The following ZNF510 variants were observed in gnomAD, a reference collection of about 807,000 sequenced individuals.
The protein encoded by ZNF510 is zinc finger protein 510.
ZNF510 carries 15 observed loss-of-function variants against 18.1 expected under a neutral mutation model. The ratio of observed to expected loss-of-function variants is 0.83; its 90% CI spans 0.55 to 1.28. The LOEUF (loss-of-function observed/expected upper bound fraction) is 1.28, where lower values mean the gene tolerates loss of function less well. ZNF510 is among the 50% of genes most tolerant of loss of function. The probability of loss-of-function intolerance (pLI) is 0.00; values close to 1 mark genes in which losing one functional copy is unlikely to be tolerated. For missense variants in ZNF510, 724 were observed against 791.8 expected, an observed-to-expected ratio of 0.91 and a Z score of 1.03; for synonymous variants, 261 against 266.4, an observed-to-expected ratio of 0.98 and a Z score of 0.20.
chr9:96,763,751 G>T, intron 3 of ZNF510, 119 bp from the exon 4 acceptor site: 1 of 1,003,146 alleles, frequency 1.0e-6, no homozygotes, highest in Non-Finnish European at 1.4e-6. Context: ...TGTAAAGGAT[G>T]CCTATTTTGA....
At chr9:96,771,551 C>G (rs1849585117) in intron 3 of ZNF510, among the ~76,000 whole-genome samples, 1 of 151,884 alleles carries the variant, frequency 6.6e-6, no homozygotes, top group Non-Finnish European at 1.5e-5. Flanking sequence ...CTGAGTACCC[C>G]TCAGGTGAGG....
rs1419455270 is a variant in ZNF510, at chr9:96,756,225, G to A, written c.*2553C>T. On this transcript the variant is annotated 3_prime_UTR_variant, in exon 6 of 6. Transcript: ENST00000223428. ...CCAAGGCTTAACAAAAATGTAACAT[G>A]GTTTATGAAATGGAGTATTGGCCAG... 1.3e-5 allele frequency: 2 copies of A among 152,122 alleles called. No individual in the cohort carries two copies. Among genetic ancestry groups the A allele is most frequent in the African/African-American group, 4.8e-5 (2 of 41,416 alleles). The allele number at this position is 152,122 out of a possible 1,614,324, so 9.4% of individuals were successfully genotyped here.
intron 5 of ZNF510, 61 bp downstream of exon 5, chr9:96,763,057 A>C (rs763162450): frequency 1.4e-6 from 2 of 1,429,080 alleles, no homozygotes; most frequent in African/African-American, 2.8e-5. Flanking sequence ...GTTCACCCCT[A>C]AAGTGACCTG....
chr9:96,762,524 G>GAAAAAAAAAA lies in ZNF510; in HGVS notation c.352+593_352+594insTTTTTTTTTT, dbSNP rs1181728252. Among the ~76,000 whole-genome samples, 1,342 of 135,818 alleles carry GAAAAAAAAAA rather than the reference G, an allele frequency of 9.9e-3. 35 individuals carry two copies. Among genetic ancestry groups the GAAAAAAAAAA allele is most frequent in the African/African-American group, 0.043 (1,255 of 28,938 alleles). The allele number at this position is 135,818 out of a possible 152,430, so 89.1% of individuals were successfully genotyped here. Reference sequence around the variant, plus strand: ...ACTCCGTCTCAAAAAAAAAAAAAAAGAAAAGAAAAAGAAAACATCCTCCTG... The same window carrying GAAAAAAAAAA: ...ACTCCGTCTCAAAAAAAAAAAAAAAGAAAAAAAAAAAAAAGAAAAAGAAAACATCCTCCTG... On this transcript the variant is annotated intron_variant, in intron 5 of 5. Coordinates refer to ENST00000223428, the MANE Select transcript of ZNF510 (RefSeq NM_014930.3).
At chr9:96,763,378 A>G in intron 4 of ZNF510, 128 bp downstream of exon 4, 1 of 1,334,010 alleles carries the variant, frequency 7.5e-7, no homozygotes, top group East Asian at 2.3e-5. Flanking sequence ...GGGCATAGTT[A>G]CTTTGGAATC....
At chr9:96,761,248 T>TC (rs1849340504) in intron 5 of ZNF510, among the ~76,000 whole-genome samples, 1 of 152,184 alleles carries the variant, frequency 6.6e-6, no homozygotes, top group Non-Finnish European at 1.5e-5. Flanking sequence ...ATCCTGAGTT[T>TC]CCACATTTCA....
rs1172466165 is a variant in ZNF510, at chr9:96,759,393, T to C, written c.1437A>G (p.Gln479=). The change falls in exon 6 of 6, where the codon CAA becomes CAG. Residue 479 remains glutamine, a synonymous_variant. Transcript: ENST00000223428. ...FVQKSTLRGH[Q]RIHTGEKPYE... ...AGGGTTTTTCTCCTGTGTGAATTCTTTGATGTCCCCTGAGGGTTGACTTCT... is the reference window on the plus strand; with the variant it reads ...AGGGTTTTTCTCCTGTGTGAATTCTCTGATGTCCCCTGAGGGTTGACTTCT... The C allele has an allele frequency of 6.2e-7, 1 of 1,614,132 alleles. No homozygotes were observed. The highest frequency in any genetic ancestry group is 8.5e-7 in the Non-Finnish European group (1 of 1,180,008).
intron 3 of ZNF510, among the ~76,000 whole-genome samples, chr9:96,772,425 A>C (rs1849601235): frequency 1.3e-5 from 2 of 152,218 alleles, no homozygotes; most frequent in African/African-American, 4.8e-5. Context: ...TTTGTTGTCA[A>C]ATATATTATT....
At chr9:96,767,436 C>A (rs144280488) in intron 3 of ZNF510, among the ~76,000 whole-genome samples, 10 of 152,268 alleles carry the variant, frequency 6.6e-5, no homozygotes, top group Non-Finnish European at 1.2e-4. Flanking sequence ...GCATGAGATG[C>A]AGCTAAGGCA....
intron 3 of ZNF510, among the ~76,000 whole-genome samples, chr9:96,769,437 C>CAAAAAAAA (rs71485393): frequency 7.9e-6 from 1 of 126,324 alleles, no homozygotes; most frequent in African/African-American, 3.2e-5. Context: ...ATTCCGTCTC[C>CAAAAAAAA]AAAAAAAAAA....
chr9:96,776,274 G>GCTTCTCTGGAGCAA, intron 1 of ZNF510, 29 bp from the exon 2 acceptor site: 5 of 979,890 alleles, frequency 5.1e-6, no homozygotes, highest in Non-Finnish European at 7.0e-6. Context: ...CTTTGCTCCA[G>GCTTCTCTGGAGCAA]AGAAGCTGGG....
Position 96,755,795 on chromosome 9 carries a change from G to A in ZNF510, c.*2983C>T, listed in dbSNP as rs1368895133. 1 of 152,168 alleles carries A rather than the reference G, an allele frequency of 6.6e-6. No individual in the cohort carries two copies. The highest frequency in any genetic ancestry group is 1.5e-5 in the Non-Finnish European group (1 of 68,028). 9.4% of individuals were successfully genotyped at this position (152,168 alleles called of 1,614,324 possible). ...GGTGAATTAATCAATGGCATATGAA[G>A]TACTGGCTATTTATCCAGAAGGAAA... is the stretch of plus-strand genomic sequence containing the variant. On this transcript the variant is annotated 3_prime_UTR_variant, in exon 6 of 6. Transcript: ENST00000223428.
chr9:96,760,080 CAA>C lies in ZNF510; in HGVS notation c.748_749del (p.Leu250GlyfsTer5). ...TTTTATTACATTCAAAAGCTTGCTC[CAA>C]AGTTTGAAACTTTGGATGCTTGGGA... ...NLPKHPKFQT[L>X]EQAFECNKIG... On this transcript the variant is annotated frameshift_variant, in exon 6 of 6. Coordinates refer to ENST00000223428, the MANE Select transcript of ZNF510 (RefSeq NM_014930.3). LOFTEE classifies it low-confidence loss of function (END_TRUNC). 6.2e-7 allele frequency: 1 copy of C among 1,610,856 alleles called. No individual in the cohort carries two copies. Among genetic ancestry groups the C allele is most frequent in the Non-Finnish European group, 8.5e-7 (1 of 1,178,828 alleles).
At chr9:96,773,323 G>C (rs1849622274) in intron 3 of ZNF510, among the ~76,000 whole-genome samples, 1 of 151,814 alleles carries the variant, frequency 6.6e-6, no homozygotes, top group Non-Finnish European at 1.5e-5. Flanking sequence ...GTTTTTAAAA[G>C]GAAAAAAGAG....
intron 3 of ZNF510, among the ~76,000 whole-genome samples, chr9:96,774,577 CAGAA>C (rs144700047): frequency 0.048 from 7,294 of 152,216 alleles, 575 homozygotes; most frequent in African/African-American, 0.16. Context: ...CCATGGCTAT[CAGAA>C]AGAATGAAAA....
chr9:96,767,036 A>ATTTTT, intron 3 of ZNF510, among the ~76,000 whole-genome samples: 1 of 152,330 alleles, frequency 6.6e-6, no homozygotes, highest in Non-Finnish European at 1.5e-5. Context: ...GAAAATCAAA[A>ATTTTT]GAGAAATGAG....
chr9:96,759,685 T>C lies in ZNF510; in HGVS notation c.1145A>G (p.Asn382Ser), dbSNP rs1346435426. Residue 382 changes from asparagine (N) to serine (S), a missense_variant, in exon 6 of 6, where the codon AAT becomes AGT. Asn to Ser is a conservative substitution (Grantham distance 46, BLOSUM62 1). Coordinates refer to ENST00000223428, the MANE Select transcript of ZNF510 (RefSeq NM_014930.3). ...AACCGACGTCTGGTAGGATTTCTTATTTTCATGATATTCAGAGGATTTAAC... is the reference window on the plus strand; with the variant it reads ...AACCGACGTCTGGTAGGATTTCTTACTTTCATGATATTCAGAGGATTTAAC... ...TWVKSSEYHE[N>S]KKSYQTSVHR... 4 of 1,613,758 alleles carry C rather than the reference T, an allele frequency of 2.5e-6. No homozygotes were observed. The highest frequency in any genetic ancestry group is 1.1e-5 in the South Asian group (1 of 91,074).
At chr9:96,768,121 G>A (rs1009281117) in intron 3 of ZNF510, among the ~76,000 whole-genome samples, 16 of 152,128 alleles carry the variant, frequency 1.1e-4, no homozygotes, top group African/African-American at 2.9e-4. Flanking sequence ...CAAGTCACAC[G>A]ATCATCTCAA....
chr9:96,767,006 C>G (rs1443275672), intron 3 of ZNF510, among the ~76,000 whole-genome samples: 1 of 152,026 alleles, frequency 6.6e-6, no homozygotes, highest in Non-Finnish European at 1.5e-5. Flanking sequence ...TGGATTTTCA[C>G]CTCGCTACAG....
Sources: gnomAD v4.1 joint callset for allele counts (sites outside exome capture counted in the v4.1 genomes callset) on GRCh38, gnomAD v4.1.1 for gene constraint, MANE v1.5 for transcripts, NCBI Gene and HGNC (gene_info 2026-07-23, HGNC 2026-07-21) for gene names.